The following AGAP1 variants were observed in gnomAD, a reference collection of about 807,000 sequenced individuals.
AGAP1 encodes ArfGAP with GTPase domain, ankyrin repeat and PH domain 1.
Under a neutral mutation model 105.3 loss-of-function variants are expected in AGAP1, and 29 were observed. The ratio of observed to expected loss-of-function variants is 0.28; its 90% CI spans 0.21 to 0.38. The LOEUF is 0.38. AGAP1 is among the 10% of genes least tolerant of loss of function. AGAP1 has a pLI of 1.00. For synonymous variants in AGAP1, 509 were observed against 485.9 expected (o/e 1.05, Z -0.63); for missense variants, 998 against 1,165.1 (o/e 0.86, Z 2.09).
At chr2:235,800,396 C>CA (rs1178931119) in intron 8 of AGAP1, among the ~76,000 whole-genome samples, 1 of 152,056 alleles carries the variant, frequency 6.6e-6, no homozygotes, top group Non-Finnish European at 1.5e-5. Context: ...CCATAGTGCA[C>CA]AGCCAGCATG....
At chr2:235,857,689 A>C (rs997560555) in intron 9 of AGAP1, among the ~76,000 whole-genome samples, 1 of 152,242 alleles carries the variant, frequency 6.6e-6, no homozygotes, top group African/African-American at 2.4e-5. Flanking sequence ...TTTGCCAACT[A>C]GCTTTTGTAT....
intron 1 of AGAP1, among the ~76,000 whole-genome samples, chr2:235,522,704 G>C (rs538405022): frequency 1.3e-5 from 2 of 152,320 alleles, no homozygotes; most frequent in South Asian, 2.1e-4. Context: ...GAAGATGGCT[G>C]AGTGGGAAAG....
At chr2:235,735,149 C>T (rs976803676) in intron 3 of AGAP1, among the ~76,000 whole-genome samples, 2 of 152,168 alleles carry the variant, frequency 1.3e-5, no homozygotes, top group African/African-American at 4.8e-5. Context: ...AAAACAAGTG[C>T]TTTGTAGACG....
At chr2:235,673,541 T>C (rs1365809102) in intron 1 of AGAP1, among the ~76,000 whole-genome samples, 1 of 152,206 alleles carries the variant, frequency 6.6e-6, no homozygotes. Flanking sequence ...GCCTGAAATA[T>C]CCATACTCAG....
rs188867086 is a variant in AGAP1, at chr2:236,073,152, C to A, written c.2114+23871C>A. 6.6e-6 allele frequency among the ~76,000 whole-genome samples: 1 copy of A among 152,176 alleles called. No individual in the cohort carries two copies. Among genetic ancestry groups the A allele is most frequent in the South Asian group, 2.1e-4 (1 of 4,808 alleles). ...CTGGGATTACAGGCGCACGCCACCA[C>A]GCCTGGCTAATTTTTGTATTTTTTA... On this transcript the variant is annotated intron_variant, in intron 16 of 17. Coordinates refer to ENST00000304032, the MANE Select transcript of AGAP1 (RefSeq NM_001037131.3). This position sits in a 1 kb window ranked among gnomAD's most constrained non-coding sequence, Gnocchi z 5.4.
intron 16 of AGAP1, among the ~76,000 whole-genome samples, chr2:236,084,926 T>C (rs906955163): frequency 1.4e-5 from 2 of 146,134 alleles, no homozygotes; most frequent in African/African-American, 5.1e-5. Flanking sequence ...TAAAATAAGA[T>C]TTTTTAGGCC....
rs71064856 is a variant in AGAP1, at chr2:235,551,472, AT to A, written c.163+56631del. ...AGGTGCGCAGCACCACACCTGGCTGATTTTTTTTGTAGAGACGGGTCGTCCA... is the reference window on the plus strand; with the variant it reads ...AGGTGCGCAGCACCACACCTGGCTGATTTTTTTGTAGAGACGGGTCGTCCA... On this transcript the variant is annotated intron_variant, in intron 1 of 17. Transcript: ENST00000304032. The surrounding 1 kb of genome is among the most constrained non-coding windows in gnomAD (Gnocchi z 4.8). 1.3e-5 allele frequency among the ~76,000 whole-genome samples: 2 copies of A among 151,734 alleles called. No homozygotes were observed. The highest frequency in any genetic ancestry group is 1.3e-4 in the Admixed American group (2 of 15,264).
intron 9 of AGAP1, chr2:235,852,663 T>C: frequency 7.0e-7 from 1 of 1,434,932 alleles, no homozygotes; most frequent in Admixed American, 3.0e-5. Context: ...GAAGAATTTT[T>C]TTTATCTCCT....
intron 9 of AGAP1, among the ~76,000 whole-genome samples, chr2:235,846,393 C>T (rs951058920): frequency 6.0e-5 from 9 of 149,748 alleles, no homozygotes; most frequent in Non-Finnish European, 8.9e-5. Context: ...GTGCGATGAT[C>T]TCAGCTGACT....
Position 235,824,153 on chromosome 2 carries a change from C to T in AGAP1, c.1050+16822C>T, listed in dbSNP as rs1040351070. Among the ~76,000 whole-genome samples the T allele has an allele frequency of 6.6e-6, 1 of 152,232 alleles. No individual in the cohort carries two copies. The highest frequency in any genetic ancestry group is 1.9e-4 in the East Asian group (1 of 5,200). ...CTACACCCAGGGACTACTGCAGAAA[C>T]GTTTTCTAAATAGCGCCAACGCTGA... On this transcript the variant is annotated intron_variant, in intron 9 of 17. Coordinates refer to ENST00000304032, the MANE Select transcript of AGAP1 (RefSeq NM_001037131.3). The surrounding 1 kb of genome is among the most constrained non-coding windows in gnomAD (Gnocchi z 5.2).
intron 1 of AGAP1, among the ~76,000 whole-genome samples, chr2:235,544,624 A>G (rs1943563883): frequency 6.6e-6 from 1 of 152,252 alleles, no homozygotes; most frequent in South Asian, 2.1e-4. Flanking sequence ...CCAAGGTGGG[A>G]CAGTGCAGCT....
rs1032974018 is a variant in AGAP1, at chr2:235,936,960, T to A, written c.1483+6037T>A. 2.6e-5 allele frequency among the ~76,000 whole-genome samples: 4 copies of A among 152,054 alleles called. No homozygotes were observed. The highest frequency in any genetic ancestry group is 9.7e-5 in the African/African-American group (4 of 41,394). On this transcript the variant is annotated intron_variant, in intron 12 of 17. Coordinates refer to ENST00000304032, the MANE Select transcript of AGAP1 (RefSeq NM_001037131.3). This position sits in a 1 kb window ranked among gnomAD's most constrained non-coding sequence, Gnocchi z 4.7. ...TTTTTTTTTTTTAAGGAGAAACGCA[T>A]GCTTAGTACTAAAACATTGTATCAT...
Position 235,575,070 on chromosome 2 carries a change from C to G in AGAP1, c.163+80221C>G, listed in dbSNP as rs537157645. 5.3e-5 allele frequency among the ~76,000 whole-genome samples: 8 copies of G among 152,188 alleles called. No homozygotes were observed. In the South Asian group the frequency reaches 1.7e-3, roughly 32 times the overall value. On this transcript the variant is annotated intron_variant, in intron 1 of 17. Transcript: ENST00000304032. ...CTTGGGAAGTTGAGGGTGCAGTGAG[C>G]CACGATCGTACCACTGCACTCCAGC...
At chr2:236,037,505 C>T (rs2057418923) in intron 14 of AGAP1, among the ~76,000 whole-genome samples, 1 of 152,192 alleles carries the variant, frequency 6.6e-6, no homozygotes, top group African/African-American at 2.4e-5. Flanking sequence ...ATCCTCCCAC[C>T]TCAGCCTCCT....
chr2:236,019,817 T>C (rs558754701), intron 13 of AGAP1, among the ~76,000 whole-genome samples: 1 of 152,198 alleles, frequency 6.6e-6, no homozygotes, highest in Non-Finnish European at 1.5e-5. Context: ...CTGTGACCCA[T>C]TGTGTTGTGT....
At chr2:235,894,150 T>C (rs577010390) in intron 10 of AGAP1, among the ~76,000 whole-genome samples, 191 of 152,366 alleles carry the variant, frequency 1.3e-3, no homozygotes, top group African/African-American at 4.4e-3. Flanking sequence ...TGTTCTAGCC[T>C]GAGCTGCCTG....
In AGAP1 at chr2:235,655,921, G is replaced by T. The variant is rs190278045; in HGVS notation, c.164-53258G>T. Among the ~76,000 whole-genome samples the T allele has an allele frequency of 2.5e-3, 383 of 152,324 alleles. 2 individuals carry two copies. Among genetic ancestry groups the T allele is most frequent in the African/African-American group, 7.9e-3 (330 of 41,572 alleles). The stretch of plus-strand genomic sequence containing the variant: ...TTGTATGGAAAAGGGAGGGGGCAGT[G>T]CAGGATGTGGCAAGGCAGTTGTTGG... On this transcript the variant is annotated intron_variant, in intron 1 of 17. Coordinates refer to ENST00000304032, the MANE Select transcript of AGAP1 (RefSeq NM_001037131.3). This position sits in a 1 kb window ranked among gnomAD's most constrained non-coding sequence, Gnocchi z 4.3.
Position 235,633,656 on chromosome 2 carries a change from G to A in AGAP1, c.164-75523G>A, listed in dbSNP as rs1035047991. ...GTGGGGAGACCTACAAGGCCTGTCT[G>A]TTCAGATTCCTCTTGGCCTCTGTGT... On this transcript the variant is annotated intron_variant, in intron 1 of 17. Transcript: ENST00000304032. The surrounding 1 kb of genome is among the most constrained non-coding windows in gnomAD (Gnocchi z 4.8). Among the ~76,000 whole-genome samples the A allele has an allele frequency of 1.3e-5, 2 of 152,138 alleles. No individual in the cohort carries two copies. The highest frequency in any genetic ancestry group is 2.4e-5 in the African/African-American group (1 of 41,424).
At chr2:236,018,072 A>C (rs1228865165) in intron 13 of AGAP1, among the ~76,000 whole-genome samples, 2 of 152,254 alleles carry the variant, frequency 1.3e-5, no homozygotes, top group Non-Finnish European at 2.9e-5. Context: ...ATTGTGGCTA[A>C]CACTGAAACT....
Sources: gnomAD v4.1 joint callset for allele counts (sites outside exome capture counted in the v4.1 genomes callset) on GRCh38, gnomAD v4.1.1 for gene constraint, Gnocchi (gnomAD v3.1) non-coding constraint, MANE v1.5 for transcripts, NCBI Gene and HGNC (gene_info 2026-07-23, HGNC 2026-07-21) for gene names.